Variants in HGD observed in about 807,000 individuals in gnomAD.
HGD encodes the protein homogentisate oxidase.
Under a neutral mutation model 60.8 loss-of-function variants are expected in HGD, and 61 were observed. That is an observed-to-expected ratio of 1.00 (90% CI 0.82 to 1.24). HGD has a LOEUF of 1.24. Ranked by LOEUF, HGD falls within the 50% of genes most tolerant of loss-of-function variation. HGD has a pLI of 0.00. For synonymous variants in HGD, 212 were observed against 187.7 expected (o/e 1.13, Z -1.06); for missense variants, 542 against 547.1 (o/e 0.99, Z 0.09).
At chr3:120,628,610 A>C in intron 13 of HGD, 81 bp from the exon 14 acceptor site, 1 of 1,466,394 alleles carries the variant, frequency 6.8e-7, no homozygotes, top group Non-Finnish European at 9.5e-7. Flanking sequence ...AACAGAAGGT[A>C]TGGGTAGGTG....
chr3:120,651,968 T>C (rs1198956300), intron 5 of HGD, among the ~76,000 whole-genome samples: 2 of 152,208 alleles, frequency 1.3e-5, no homozygotes, highest in Non-Finnish European at 2.9e-5. Context: ...TTTCAACTAA[T>C]ATGAATGTAG....
rs771152878 is a variant in HGD, at chr3:120,675,913, A to G, written c.16-50T>C. The G allele has an allele frequency of 8.4e-6, 12 of 1,434,106 alleles. No homozygotes were observed. The South Asian group carries it at 1.0e-4, about 12-fold the overall frequency. 88.8% of individuals were successfully genotyped at this position (1,434,106 alleles called of 1,614,324 possible). Reference sequence around the variant, plus strand: ...CCACCATTAGCAGGATTTAAAGAGCATTTCAGAAAATTGGCAGTTTACTAA... The same window carrying G: ...CCACCATTAGCAGGATTTAAAGAGCGTTTCAGAAAATTGGCAGTTTACTAA... On this transcript the variant is annotated intron_variant, in intron 1 of 13. Transcript: ENST00000283871.
chr3:120,652,613 C>A lies in HGD; in HGVS notation c.321G>T (p.Gln107His). ...WKPFEIPKAS[Q>H]KKVDFVSGLH... The stretch of plus-strand genomic sequence containing the variant: ...TTACACTCACAAAGTCTACTTTCTT[C>A]TGAGATGCTTTTGGAATCTCAAATG... The change falls in exon 5 of 14, where the codon CAG (glutamine) becomes CAT (histidine). Residue 107 changes from glutamine (Q) to histidine (H), a missense_variant. By Grantham distance (24) the Gln-to-His change is conservative. Transcript: ENST00000283871. The A allele has an allele frequency of 6.2e-7, 1 of 1,613,284 alleles. No individual in the cohort carries two copies. Among genetic ancestry groups the A allele is most frequent in the Non-Finnish European group, 8.5e-7 (1 of 1,179,340 alleles).
chr3:120,673,316 G>A (rs1291122046), intron 3 of HGD, among the ~76,000 whole-genome samples: 1 of 152,160 alleles, frequency 6.6e-6, no homozygotes, highest in Non-Finnish European at 1.5e-5. Context: ...TTTTCAGCCT[G>A]CTGGAACAAA....
At chr3:120,677,616 C>T (rs1708155630) in intron 1 of HGD, among the ~76,000 whole-genome samples, 1 of 152,188 alleles carries the variant, frequency 6.6e-6, no homozygotes, top group East Asian at 1.9e-4. Context: ...TTTAATTTCG[C>T]CTCGGTCCTG....
At chr3:120,641,528 T>C in intron 11 of HGD, 61 bp downstream of exon 11, 1 of 970,872 alleles carries the variant, frequency 1.0e-6, no homozygotes, top group Non-Finnish European at 1.7e-6. Flanking sequence ...AGGGGTCTAC[T>C]GTGGACCCCT....
At chr3:120,631,501 A>G (rs1036818995) in intron 13 of HGD, among the ~76,000 whole-genome samples, 6 of 152,204 alleles carry the variant, frequency 3.9e-5, no homozygotes, top group African/African-American at 1.2e-4. Context: ...ATCCATAAAA[A>G]TAATAAATAA....
chr3:120,678,837 A>G lies in HGD; in HGVS notation c.16-2974T>C, dbSNP rs151002447. Among the ~76,000 whole-genome samples the G allele has an allele frequency of 4.5e-3, 678 of 152,354 alleles. 7 individuals carry two copies. Among genetic ancestry groups the G allele is most frequent in the African/African-American group, 0.016 (648 of 41,588 alleles). On this transcript the variant is annotated intron_variant, in intron 1 of 13. Transcript: ENST00000283871. ...AAGGCATCTGAATTAAGGAAGCAGT[A>G]TTCACAGCTGCTTTCTCCAGACATT...
At chr3:120,672,376 C>T in intron 3 of HGD, among the ~76,000 whole-genome samples, 1 of 152,076 alleles carries the variant, frequency 6.6e-6, no homozygotes, top group East Asian at 1.9e-4. Flanking sequence ...GACATTGAAG[C>T]TCACTAAGAG....
chr3:120,677,046 C>T (rs1274400749), intron 1 of HGD, among the ~76,000 whole-genome samples: 1 of 152,160 alleles, frequency 6.6e-6, no homozygotes, highest in Non-Finnish European at 1.5e-5. Flanking sequence ...TTATCACTTC[C>T]CCAGTCAATA....
At chr3:120,650,888 G>T in intron 5 of HGD, 23 bp from the exon 6 acceptor site, 1 of 1,586,490 alleles carries the variant, frequency 6.3e-7, no homozygotes, top group Non-Finnish European at 8.7e-7. Flanking sequence ...CACAGAAGAG[G>T]GAAAGGTTAA....
At chr3:120,662,069 G>A (rs190245053) in intron 4 of HGD, among the ~76,000 whole-genome samples, 210 of 152,308 alleles carry the variant, frequency 1.4e-3, no homozygotes, top group Admixed American at 3.1e-3. Flanking sequence ...GAAATCCCAG[G>A]TAGATAAAAT....
At chr3:120,678,082 T>A (rs968072093) in intron 1 of HGD, 1 of 152,230 alleles carries the variant, frequency 6.6e-6, no homozygotes, top group African/African-American at 2.4e-5. Context: ...GACTCAATAT[T>A]TTGTATATTT....
intron 12 of HGD, chr3:120,633,585 C>T (rs1356054081): frequency 1.4e-6 from 2 of 1,425,510 alleles, no homozygotes; most frequent in Non-Finnish European, 1.9e-6. Context: ...AGGAATCAGG[C>T]TAGATCTAAA....
At chr3:120,638,985 C>G (rs948493096) in intron 11 of HGD, among the ~76,000 whole-genome samples, 1 of 152,204 alleles carries the variant, frequency 6.6e-6, no homozygotes, top group Admixed American at 6.5e-5. Context: ...AACACATGCT[C>G]TCTTGATTGC....
At chr3:120,641,924 C>G in intron 10 of HGD, 1 of 544,448 alleles carries the variant, frequency 1.8e-6, no homozygotes, top group Non-Finnish European at 3.3e-6. Context: ...CAGCTGCCTT[C>G]TGATCACACA....
chr3:120,645,392 T>C (rs1057196320), intron 9 of HGD, among the ~76,000 whole-genome samples: 11 of 152,186 alleles, frequency 7.2e-5, no homozygotes, highest in Non-Finnish European at 1.0e-4. Flanking sequence ...TCTAAAAAGC[T>C]GTTGACAAGG....
intron 4 of HGD, among the ~76,000 whole-genome samples, chr3:120,659,908 G>T (rs1316034681): frequency 6.7e-6 from 1 of 149,694 alleles, no homozygotes; most frequent in Non-Finnish European, 1.5e-5. Context: ...TATGATGGGA[G>T]CATCTCATAT....
rs759615683 is a variant in HGD, at chr3:120,646,973, C to T, written c.549G>A (p.Gln183=). 2 of 1,612,762 alleles carry T rather than the reference C, an allele frequency of 1.2e-6. No individual in the cohort carries two copies. The highest frequency in any genetic ancestry group is 1.7e-6 in the Non-Finnish European group (2 of 1,178,874). ...GAAGAGAAGGGGACACATCACCAACCTGAATGACGCAGATCTCATTGGGCT... is the reference window on the plus strand; with the variant it reads ...GAAGAGAAGGGGACACATCACCAACTTGAATGACGCAGATCTCATTGGGCT... ...LVQPNEICVI[Q]RGMRFSIDVF... is the part of the protein sequence containing the mutation. Residue 183 remains glutamine, a splice_region_variant and synonymous_variant, in exon 8 of 14, where the codon CAG becomes CAA. Transcript: ENST00000283871.
Sources: allele counts gnomAD v4.1 joint callset (sites outside exome capture counted in the v4.1 genomes callset), GRCh38; gene constraint gnomAD v4.1.1; transcripts MANE v1.5; gene names NCBI Gene and HGNC (gene_info 2026-07-23, HGNC 2026-07-21).